C1D: variants seen among roughly 807,000 people sequenced by gnomAD.
C1D encodes the protein nuclear nucleic acid-binding protein C1D.
Under a neutral mutation model 17.5 loss-of-function variants are expected in C1D, and 10 were observed. The ratio of observed to expected loss-of-function variants is 0.57; its 90% confidence interval spans 0.35 to 0.97. The LOEUF is 0.97. Among genes scored for constraint, C1D ranks in the 50% least tolerant of loss-of-function variants. The pLI, the probability that C1D is intolerant of heterozygous loss-of-function variation, is 0.01. For missense variants in C1D, 136 were observed against 160.1 expected, an observed-to-expected ratio of 0.85 and a Z score of 0.81; for synonymous variants, 49 against 54.0, an observed-to-expected ratio of 0.91 and a Z score of 0.40.
At chr2:68,053,388 C>G (rs1204930725) in intron 1 of C1D, 1 of 618,150 alleles carries the variant, frequency 1.6e-6, no homozygotes, top group African/African-American at 1.9e-5. Context: ...TAATTCTCCA[C>G]TTCAGGGTGG....
chr2:68,052,972 C>T, intron 1 of C1D: 5 of 1,484,550 alleles, frequency 3.4e-6, no homozygotes, highest in Non-Finnish European at 4.5e-6. Flanking sequence ...TCATCTAAAC[C>T]TCACAGATGA....
At chr2:68,043,386 A>C (rs1211696014) in intron 4 of C1D, among the ~76,000 whole-genome samples, 1 of 152,210 alleles carries the variant, frequency 6.6e-6, no homozygotes, top group East Asian at 1.9e-4. Context: ...CCATTAACAT[A>C]AATCTACATA....
intron 1 of C1D, among the ~76,000 whole-genome samples, chr2:68,054,130 A>G (rs1449616683): frequency 6.6e-6 from 1 of 152,106 alleles, no homozygotes; most frequent in Non-Finnish European, 1.5e-5. Flanking sequence ...AGACAGTTCC[A>G]CCTTACGCCT....
Position 68,062,978 on chromosome 2 carries a change from T to C in C1D, c.-30A>G, listed in dbSNP as rs1170167228. The C allele has an allele frequency of 6.6e-6, 1 of 152,116 alleles. No homozygotes were observed. The highest frequency in any genetic ancestry group is 1.5e-5 in the Non-Finnish European group (1 of 68,018). 9.4% of individuals were successfully genotyped at this position (152,116 alleles called of 1,614,324 possible). A position where few individuals can be genotyped will look rare whatever the true frequency, so the allele number is the denominator to read the frequency against. On this transcript the variant is annotated 5_prime_UTR_variant, in exon 1 of 5. Coordinates refer to ENST00000410067, the MANE Select transcript of C1D (RefSeq NM_173177.3). ...AATACCTCACGGCCTTCGACTCCAGTCTCCCGGAAAGCGGTCGGGCAACGA... is the reference window on the plus strand; with the variant it reads ...AATACCTCACGGCCTTCGACTCCAGCCTCCCGGAAAGCGGTCGGGCAACGA...
chr2:68,043,129 T>G, intron 4 of C1D, 76 bp from the exon 5 acceptor site: 2 of 1,111,620 alleles, frequency 1.8e-6, no homozygotes, highest in Non-Finnish European at 1.3e-6. Context: ...CTGTACACCT[T>G]GGTTAAATTC....
chr2:68,060,572 G>A (rs1220051418), intron 1 of C1D, among the ~76,000 whole-genome samples: 3 of 151,992 alleles, frequency 2.0e-5, no homozygotes, highest in Non-Finnish European at 4.4e-5. Context: ...GAACCCAGGA[G>A]GCGGAGGTTG....
chr2:68,043,818 G>C (rs1477188124), intron 4 of C1D, among the ~76,000 whole-genome samples: 1 of 152,204 alleles, frequency 6.6e-6, no homozygotes, highest in African/African-American at 2.4e-5. Context: ...AGTTAATGCA[G>C]AATCTTAAAA....
chr2:68,047,570 TTTTTG>T (rs1351848716), intron 1 of C1D, among the ~76,000 whole-genome samples: 1 of 152,094 alleles, frequency 6.6e-6, no homozygotes, highest in African/African-American at 2.4e-5. Context: ...ACCCTCAACA[TTTTTG>T]TTTTGTTTTG....
At position 68,046,362 on chromosome 2, in the gene C1D, A is replaced by C; in HGVS notation, c.187T>G (p.Leu63Val). Reference protein sequence around the residue: ...AKVDLVSAYTLNSMFWVYLAT... With the variant: ...AKVDLVSAYTVNSMFWVYLAT... ...CACATACCCCAAAACATTGAATTTA[A>C]TGTGTATGCAGAAACCAAATCCACT... The change falls in exon 3 of 5, where the codon TTA becomes GTA. Residue 63 changes from leucine (L) to valine (V), a missense_variant. Coordinates refer to ENST00000410067, the MANE Select transcript of C1D (RefSeq NM_173177.3). 1 of 1,611,736 alleles carries C rather than the reference A, an allele frequency of 6.2e-7. No homozygotes were observed. Among genetic ancestry groups the C allele is most frequent in the Non-Finnish European group, 8.5e-7 (1 of 1,178,482 alleles).
At chr2:68,052,318 A>G (rs931285689) in intron 1 of C1D, among the ~76,000 whole-genome samples, 2 of 152,126 alleles carry the variant, frequency 1.3e-5, no homozygotes, top group African/African-American at 4.8e-5. Context: ...TTCAAAGCAG[A>G]CTCATTTTTT....
At chr2:68,060,330 C>A (rs540580809) in intron 1 of C1D, among the ~76,000 whole-genome samples, 20 of 152,260 alleles carry the variant, frequency 1.3e-4, no homozygotes, top group African/African-American at 4.8e-4. Flanking sequence ...AACACAGCAG[C>A]CAGAGAAGAT....
intron 1 of C1D, among the ~76,000 whole-genome samples, chr2:68,060,559 T>C (rs530227174): frequency 6.6e-6 from 1 of 151,522 alleles, no homozygotes; most frequent in East Asian, 1.9e-4. Context: ...AGGAGAATCG[T>C]TGGAACCCAG....
rs763460711 is a variant in C1D at position 68,053,041 on chromosome 2, CA to C, written c.-9-5723del. On this transcript the variant is annotated intron_variant, in intron 1 of 4. Transcript: ENST00000410067. ...CTAAAGTTGTACATGTTAAAATTTC[CA>C]AAGAAGAAAAGAACTCACCCAGCTC... 1.9e-6 allele frequency: 3 copies of C among 1,547,356 alleles called. No homozygotes were observed. In the African/African-American group the frequency reaches 4.1e-5, roughly 21 times the overall value.
At chr2:68,046,079 A>C (rs762359657) in intron 3 of C1D, 36 bp from the exon 4 acceptor site, 1 of 1,400,514 alleles carries the variant, frequency 7.1e-7, no homozygotes, top group Non-Finnish European at 9.9e-7. Context: ...AAAATGGTGA[A>C]TGTATTAATT....
intron 1 of C1D, among the ~76,000 whole-genome samples, chr2:68,048,733 C>G (rs1296228742): frequency 6.6e-6 from 1 of 152,118 alleles, no homozygotes; most frequent in African/African-American, 2.4e-5. Context: ...CAGAAAAGAA[C>G]TGATTTCCAA....
At chr2:68,046,957 T>C (rs200090720) in intron 2 of C1D, among the ~76,000 whole-genome samples, 10 of 150,570 alleles carry the variant, frequency 6.6e-5, no homozygotes, top group Middle Eastern at 3.2e-3. Context: ...CCTTTTTTTT[T>C]CCAAAACTAA....
intron 1 of C1D, among the ~76,000 whole-genome samples, chr2:68,047,797 T>C (rs892957843): frequency 3.9e-5 from 6 of 152,194 alleles, no homozygotes; most frequent in Non-Finnish European, 7.4e-5. Context: ...GAGATAGCAA[T>C]AATCAAAATC....
At chr2:68,053,737 C>T (rs1288337487) in intron 1 of C1D, among the ~76,000 whole-genome samples, 1 of 152,186 alleles carries the variant, frequency 6.6e-6, no homozygotes, top group Non-Finnish European at 1.5e-5. Flanking sequence ...CATGGCTCCC[C>T]TCTTCCAATC....
intron 1 of C1D, among the ~76,000 whole-genome samples, chr2:68,059,611 G>C (rs1671561784): frequency 6.6e-6 from 1 of 152,110 alleles, no homozygotes; most frequent in African/African-American, 2.4e-5. Flanking sequence ...TTAAGTTCTT[G>C]ATAAATCCAA....
Sources: gnomAD v4.1 joint callset for allele counts (sites outside exome capture counted in the v4.1 genomes callset) on GRCh38, gnomAD v4.1.1 for gene constraint, MANE v1.5 for transcripts, NCBI Gene and HGNC (gene_info 2026-07-23, HGNC 2026-07-21) for gene names.